The following FAM153A variants were observed in gnomAD, a reference collection of about 807,000 sequenced individuals.
FAM153A encodes protein FAM153A.
In FAM153A, 12 loss-of-function variants were observed where a neutral mutation model predicts 48.1. The observed-to-expected ratio is 0.25, with a 90% CI of 0.16 to 0.40. The LOEUF is 0.40. FAM153A is among the 10% of genes least tolerant of loss of function. FAM153A has a pLI of 1.00. For synonymous variants in FAM153A, 36 were observed against 118.2 expected, an observed-to-expected ratio of 0.30 and a Z score of 4.51; for missense variants, 111 against 345.8, an observed-to-expected ratio of 0.32 and a Z score of 5.38.
At chr5:177,729,667 A>G in intron 16 of FAM153A, 112 bp from the exon 19 acceptor site, 1 of 1,570,324 alleles carries the variant, frequency 6.4e-7, no homozygotes, top group Non-Finnish European at 8.6e-7. Context: ...TTCACAGCAC[A>G]GACTCAGCTG....
exon 27 of FAM153A, chr5:177,712,619 T>G (rs1758664672): frequency 6.6e-6 from 1 of 151,702 alleles, no homozygotes; most frequent in South Asian, 2.1e-4. Flanking sequence ...TTGAGAAATG[T>G]ACATCACTGG....
rs1311477681 is a variant in FAM153A at position 177,741,605 on chromosome 5, A to G, written c.365-273T>C. On this transcript the variant is annotated intron_variant, in intron 6 of 20. Coordinates refer to ENST00000614127, the Ensembl canonical transcript of FAM153A. ...CCCTATGCGTTTTGAGGCCTGGGAA[A>G]TTTCCACTTTCCTGTTGAAATGTGA... Among the ~76,000 whole-genome samples, 2 of 81,672 alleles carry G rather than the reference A, an allele frequency of 2.4e-5. 1 individual carries two copies. 53.6% of individuals were successfully genotyped at this position (81,672 alleles called of 152,430 possible).
intron 10 of FAM153A, among the ~76,000 whole-genome samples, chr5:177,738,380 C>G (rs1462657174): frequency 1.3e-5 from 2 of 151,394 alleles, no homozygotes; most frequent in Admixed American, 1.3e-4. Context: ...GTCACCACAC[C>G]AAAGTCCACT....
At chr5:177,709,511 G>A (rs577036189), downstream of FAM153A, among the ~76,000 whole-genome samples, 109 of 149,098 alleles carry the variant, frequency 7.3e-4, 2 homozygotes, top group Middle Eastern at 6.9e-3. Flanking sequence ...ACAGGCGCCC[G>A]CCACTACACC....
At chr5:177,725,448 A>G (rs1312779664) in intron 18 of FAM153A, among the ~76,000 whole-genome samples, 1 of 149,586 alleles carries the variant, frequency 6.7e-6, no homozygotes, top group Non-Finnish European at 1.5e-5. Context: ...TCAGCCCTCA[A>G]AAGAATCCCA....
At chr5:177,698,952 C>T in the FAM153A span, among the ~76,000 whole-genome samples, 1 of 151,736 alleles carries the variant, frequency 6.6e-6, no homozygotes, top group Non-Finnish European at 1.5e-5. Flanking sequence ...CCACTGTGTG[C>T]TGCCACTTTT....
At chr5:177,707,453 G>A (rs6885013), downstream of FAM153A, among the ~76,000 whole-genome samples, 11,473 of 151,702 alleles carry the variant, frequency 0.076, 535 homozygotes, top group Non-Finnish European at 0.086. Context: ...AAAAGGAAAC[G>A]AGAGAAAAAA....
exon 27 of FAM153A, chr5:177,712,849 A>G (rs1758712386): frequency 6.7e-6 from 1 of 148,502 alleles, no homozygotes; most frequent in South Asian, 2.1e-4. Flanking sequence ...ACATGTGCCA[A>G]GCTGAAAGAC....
At chr5:177,756,796 A>G (rs1379835370), upstream of FAM153A, among the ~76,000 whole-genome samples, 2 of 138,560 alleles carry the variant, frequency 1.4e-5, no homozygotes, top group African/African-American at 5.4e-5. Context: ...AACGAGAACA[A>G]AGACACAACA....
exon 27 of FAM153A, chr5:177,712,084 A>G (rs1466549917): frequency 6.6e-6 from 1 of 151,868 alleles, no homozygotes; most frequent in African/African-American, 2.4e-5. Context: ...CTAGACAGAA[A>G]ATTCTTAACA....
At chr5:177,702,270 C>T in the FAM153A span, among the ~76,000 whole-genome samples, 1 of 151,726 alleles carries the variant, frequency 6.6e-6, no homozygotes, top group Non-Finnish European at 1.5e-5. Flanking sequence ...GTGCCCCTGC[C>T]ATAGGGATCT....
the FAM153A span, among the ~76,000 whole-genome samples, chr5:177,702,033 G>A: frequency 1.3e-5 from 2 of 151,332 alleles, no homozygotes; most frequent in East Asian, 1.9e-4. Context: ...TCAGCCTCCC[G>A]AGTAGCTGGG....
chr5:177,712,254 C>G (rs1297703998), exon 27 of FAM153A: 2 of 151,850 alleles, frequency 1.3e-5, no homozygotes, highest in African/African-American at 2.4e-5. Flanking sequence ...GGCAGATCAC[C>G]TGAGGTCAGG....
At chr5:177,778,261 T>TAAAAAAAAAAAAAAAAA (rs774084490) in intron 1 of FAM153A, among the ~76,000 whole-genome samples, 1 of 20,040 alleles carries the variant, frequency 5.0e-5, no homozygotes, top group Non-Finnish European at 7.5e-5. Flanking sequence ...TAGAGTATAA[T>TAAAAAAAAAAAAAAAAA]AAAAAAAAAA....
rs187349265 is a variant in FAM153A, at chr5:177,766,601, A to G, written c.-57+13848T>C. ...AAACTGGGAAGTCAAATAATTTCTG[A>G]GACTTGTCTAATCTTGCTTTTGTAA... On this transcript the variant is annotated intron_variant, in intron 1 of 8. Transcript: ENST00000393518. 3.9e-4 allele frequency among the ~76,000 whole-genome samples: 37 copies of G among 94,346 alleles called. 15 individuals carry two copies. Among genetic ancestry groups the G allele is most frequent in the Admixed American group, 2.0e-3 (18 of 8,806 alleles). 61.9% of individuals were successfully genotyped at this position (94,346 alleles called of 152,430 possible).
downstream of FAM153A, among the ~76,000 whole-genome samples, chr5:177,709,065 A>C (rs906996501): frequency 4.9e-5 from 6 of 123,190 alleles, no homozygotes; most frequent in Non-Finnish European, 9.7e-5. Context: ...ACTGCACCCC[A>C]GCCTGGTGAG....
chr5:177,772,193 G>A (rs1769142231), intron 1 of FAM153A, among the ~76,000 whole-genome samples: 1 of 97,816 alleles, frequency 1.0e-5, no homozygotes, highest in African/African-American at 4.1e-5. Context: ...ATTTGACTTG[G>A]AGGTTCTTGT....
downstream of FAM153A, among the ~76,000 whole-genome samples, chr5:177,709,109 AAAAAAAAAAAAAAAAAAAAAAAAGAAAG>A (rs1231222760): frequency 1.9e-4 from 20 of 107,812 alleles, no homozygotes; most frequent in African/African-American, 9.6e-4. Flanking sequence ...AAAAAAAAAA[AAAAAAAAAAAAAAAAAAAAAAAAGAAAG>A]AAAAGCCTAG....
upstream of FAM153A, among the ~76,000 whole-genome samples, chr5:177,754,305 G>A (rs1767447709): frequency 6.6e-6 from 1 of 151,884 alleles, no homozygotes; most frequent in Admixed American, 6.5e-5. Context: ...GCCCGCCATT[G>A]CCCAGGCTTG....
Sources: gnomAD v4.1 joint callset for allele counts (sites outside exome capture counted in the v4.1 genomes callset) on GRCh38, gnomAD v4.1.1 for gene constraint, MANE v1.5 for transcripts, NCBI Gene and HGNC (gene_info 2026-07-23, HGNC 2026-07-21) for gene names.